ZEB1: variants seen among roughly 807,000 people sequenced by gnomAD.
ZEB1 encodes zinc finger E-box binding homeobox 1, also known as zinc finger E-box-binding homeobox 1.
Under a neutral mutation model 84.9 loss-of-function variants are expected in ZEB1, and 21 were observed. The ratio of observed to expected loss-of-function variants is 0.25; its 90% CI spans 0.18 to 0.36. The LOEUF is 0.36. Ranked by LOEUF, ZEB1 falls within the 10% of genes least tolerant of loss-of-function variation. ZEB1 has a pLI of 1.00. For synonymous variants in ZEB1, 420 were observed against 471.1 expected (o/e 0.89, Z 1.41); for missense variants, 1,104 against 1,330.2 (o/e 0.83, Z 2.65).
At chr10:31,357,987 A>G (rs1173372491) in intron 1 of ZEB1, among the ~76,000 whole-genome samples, 4 of 152,166 alleles carry the variant, frequency 2.6e-5, no homozygotes, top group Non-Finnish European at 4.4e-5. Flanking sequence ...CATGGGCAAT[A>G]TAGGTTCTTT....
At chr10:31,391,376 T>C (rs1366739318) in intron 1 of ZEB1, among the ~76,000 whole-genome samples, 1 of 151,844 alleles carries the variant, frequency 6.6e-6, no homozygotes, top group Non-Finnish European at 1.5e-5. Context: ...TAGCTTTCGG[T>C]ATATATTTTT....
chr10:31,475,975 T>G (rs139298605), intron 2 of ZEB1, among the ~76,000 whole-genome samples: 1 of 151,960 alleles, frequency 6.6e-6, no homozygotes, highest in Non-Finnish European at 1.5e-5. Flanking sequence ...ATATTCCATT[T>G]AAAAAATAAA....
At chr10:31,392,933 C>T (rs1174024567) in intron 1 of ZEB1, among the ~76,000 whole-genome samples, 1 of 152,108 alleles carries the variant, frequency 6.6e-6, no homozygotes, top group Non-Finnish European at 1.5e-5. Context: ...CTCTGAGGCT[C>T]AAGCCATCCT....
At chr10:31,505,318 G>A (rs1591948603) in intron 4 of ZEB1, among the ~76,000 whole-genome samples, 1 of 152,202 alleles carries the variant, frequency 6.6e-6, no homozygotes, top group Non-Finnish European at 1.5e-5. Context: ...GAAGTAGGGA[G>A]AATTCCCTCC....
intron 1 of ZEB1, among the ~76,000 whole-genome samples, chr10:31,409,314 C>T (rs558215396): frequency 6.6e-6 from 1 of 152,034 alleles, no homozygotes; most frequent in South Asian, 2.1e-4. Flanking sequence ...TAAACTAGTT[C>T]AACCATTGTG....
intron 5 of ZEB1, among the ~76,000 whole-genome samples, chr10:31,513,131 G>A (rs1335401685): frequency 2.0e-5 from 3 of 152,266 alleles, no homozygotes; most frequent in East Asian, 1.9e-4. Flanking sequence ...AGACAAGAAC[G>A]GAAGCAGGGA....
At chr10:31,477,377 G>T (rs991594632) in intron 2 of ZEB1, among the ~76,000 whole-genome samples, 9 of 151,844 alleles carry the variant, frequency 5.9e-5, no homozygotes, top group African/African-American at 7.2e-5. Flanking sequence ...TACACAAATG[G>T]AAAAATATCT....
chr10:31,340,486 G>C (rs1253368771), intron 1 of ZEB1, among the ~76,000 whole-genome samples: 1 of 152,154 alleles, frequency 6.6e-6, no homozygotes, highest in Non-Finnish European at 1.5e-5. Flanking sequence ...AAATCATCCA[G>C]CTTCTGATCT....
intron 1 of ZEB1, chr10:31,360,933 T>G: frequency 6.3e-7 from 1 of 1,576,382 alleles, no homozygotes; most frequent in South Asian, 1.1e-5. Flanking sequence ...ATAAATTGCA[T>G]GTCTGGAGGA....
intron 1 of ZEB1, among the ~76,000 whole-genome samples, chr10:31,409,581 A>C (rs570231100): frequency 1.3e-5 from 2 of 152,258 alleles, no homozygotes; most frequent in South Asian, 4.2e-4. Context: ...GATAACATTC[A>C]ATTTGTAAAT....
At chr10:31,478,403 G>A (rs2064562848) in intron 2 of ZEB1, among the ~76,000 whole-genome samples, 1 of 151,972 alleles carries the variant, frequency 6.6e-6, no homozygotes, top group African/African-American at 2.4e-5. Flanking sequence ...CACTGTTGGT[G>A]GGAATGCAAA....
chr10:31,413,386 G>A (rs1214780794), intron 1 of ZEB1, among the ~76,000 whole-genome samples: 1 of 152,136 alleles, frequency 6.6e-6, no homozygotes, highest in Non-Finnish European at 1.5e-5. Context: ...ACAGGAGATG[G>A]AGTTTTAGGT....
intron 1 of ZEB1, among the ~76,000 whole-genome samples, chr10:31,375,150 C>T (rs1414905396): frequency 6.7e-6 from 1 of 150,082 alleles, no homozygotes; most frequent in Non-Finnish European, 1.5e-5. Flanking sequence ...ATTTGGATGT[C>T]TGAATGTTTA....
At chr10:31,319,341 C>A (rs939535725) in intron 1 of ZEB1, 49 bp downstream of exon 1, 3 of 1,576,388 alleles carry the variant, frequency 1.9e-6, no homozygotes, top group Non-Finnish European at 2.6e-6. Context: ...GGGAGCTGGG[C>A]AGCCGGGGCG....
rs549199883 is a variant in ZEB1 at position 31,473,707 on chromosome 10, T to C, written c.259+12470T>C. 5.9e-3 allele frequency among the ~76,000 whole-genome samples: 889 copies of C among 149,706 alleles called. 5 individuals are homozygous for C. Among genetic ancestry groups the C allele is most frequent in the African/African-American group, 0.021 (849 of 40,314 alleles). ...CTTTCTTCACAGAATTGGAAAAAAC[T>C]ACTTTAAAGTTCATATGGAACCAAA... On this transcript the variant is annotated intron_variant, in intron 2 of 8. Coordinates refer to ENST00000424869, the MANE Select transcript of ZEB1 (RefSeq NM_001174096.2).
intron 1 of ZEB1, among the ~76,000 whole-genome samples, chr10:31,425,126 A>G (rs960881154): frequency 2.6e-5 from 4 of 152,068 alleles, no homozygotes; most frequent in African/African-American, 4.8e-5. Flanking sequence ...TAGCCAATAT[A>G]TCCATAAAAA....
intron 1 of ZEB1, among the ~76,000 whole-genome samples, chr10:31,441,494 C>A (rs1287932616): frequency 6.6e-6 from 1 of 151,976 alleles, no homozygotes. Flanking sequence ...GACATAGGCA[C>A]GGGCAAGGAC....
chr10:31,354,139 A>G (rs567967956), intron 1 of ZEB1, among the ~76,000 whole-genome samples: 71 of 152,314 alleles, frequency 4.7e-4, no homozygotes, highest in African/African-American at 1.4e-3. Context: ...AGTTTTGTCA[A>G]GTCTGTCTGT....
At chr10:31,355,242 C>T (rs2041930096) in intron 1 of ZEB1, 1 of 152,100 alleles carries the variant, frequency 6.6e-6, no homozygotes, top group African/African-American at 2.4e-5. Context: ...AAGTAGTCCA[C>T]CTGGAATCAT....
Sources: gnomAD v4.1 joint callset for allele counts (sites outside exome capture counted in the v4.1 genomes callset) on GRCh38, gnomAD v4.1.1 for gene constraint, MANE v1.5 for transcripts, NCBI Gene and HGNC (gene_info 2026-07-23, HGNC 2026-07-21) for gene names.